HDDC2: variants seen among roughly 807,000 people sequenced by gnomAD.
HDDC2 encodes the protein 5'-deoxynucleotidase HDDC2.
HDDC2 carries 25 observed loss-of-function variants against 25.5 expected under a neutral mutation model. The observed-to-expected ratio is 0.98, with a 90% CI of 0.72 to 1.37. The LOEUF (loss-of-function observed/expected upper bound fraction) is 1.37, where lower values mean the gene tolerates loss of function less well. HDDC2 is among the 40% of genes most tolerant of loss of function. The pLI is 0.00. For missense variants in HDDC2, 264 were observed against 253.1 expected, an observed-to-expected ratio of 1.04 and a Z score of -0.29; for synonymous variants, 106 against 89.7, an observed-to-expected ratio of 1.18 and a Z score of -1.03.
chr6:125,284,844 G>C (rs913894023), intron 4 of HDDC2, among the ~76,000 whole-genome samples: 2 of 152,150 alleles, frequency 1.3e-5, no homozygotes, highest in Admixed American at 6.5e-5. Flanking sequence ...AAATCATTCT[G>C]CTATAAAGAC....
chr6:125,289,721 A>G (rs1387482327), intron 4 of HDDC2, among the ~76,000 whole-genome samples: 2 of 152,126 alleles, frequency 1.3e-5, no homozygotes, highest in African/African-American at 4.8e-5. Context: ...GACATTTTTA[A>G]AAGGGTACTT....
intron 4 of HDDC2, among the ~76,000 whole-genome samples, chr6:125,290,001 T>TA (rs1363687429): frequency 2.6e-5 from 4 of 152,240 alleles, no homozygotes; most frequent in African/African-American, 9.6e-5. Context: ...TGATAAAAGA[T>TA]AAATTATAAT....
intron 4 of HDDC2, among the ~76,000 whole-genome samples, chr6:125,284,488 CA>C (rs2115104947): frequency 6.6e-6 from 1 of 152,224 alleles, no homozygotes; most frequent in South Asian, 2.1e-4. Context: ...ATAACCCCAT[CA>C]AAAAGTGGGC....
At chr6:125,301,220 A>T (rs373774083) in intron 1 of HDDC2, among the ~76,000 whole-genome samples, 9 of 152,194 alleles carry the variant, frequency 5.9e-5, no homozygotes, top group Admixed American at 3.3e-4. Flanking sequence ...TAGTAGTCAG[A>T]GTGGCATGAA....
At chr6:125,291,521 T>C (rs1268239604) in intron 4 of HDDC2, among the ~76,000 whole-genome samples, 10 of 152,012 alleles carry the variant, frequency 6.6e-5, no homozygotes, top group Admixed American at 2.0e-4. Context: ...CCAAGAGAGA[T>C]GGATGAGGAC....
At chr6:125,294,050 CCTTT>C (rs751272192) in intron 3 of HDDC2, among the ~76,000 whole-genome samples, 7 of 152,214 alleles carry the variant, frequency 4.6e-5, no homozygotes, top group Non-Finnish European at 7.3e-5. Context: ...CAGTATCCTT[CCTTT>C]ATTTCTGAAT....
intron 1 of HDDC2, among the ~76,000 whole-genome samples, chr6:125,301,486 A>G (rs1233006798): frequency 2.0e-5 from 3 of 147,376 alleles, no homozygotes; most frequent in South Asian, 2.1e-4. Flanking sequence ...TCGTGAGCAC[A>G]CACACACACA....
At chr6:125,287,859 A>G (rs575934076) in intron 4 of HDDC2, among the ~76,000 whole-genome samples, 90 of 152,316 alleles carry the variant, frequency 5.9e-4, no homozygotes, top group African/African-American at 2.1e-3. Context: ...GAGAGTGGCA[A>G]CACCTCATGC....
rs184823523 is a variant in HDDC2, at chr6:125,289,671, A to T, written c.378+3170T>A. Among the ~76,000 whole-genome samples, 574 of 152,188 alleles carry T rather than the reference A, an allele frequency of 3.8e-3. 4 individuals carry two copies. The highest frequency in any genetic ancestry group is 6.6e-3 in the Non-Finnish European group (447 of 68,006). On this transcript the variant is annotated intron_variant, in intron 4 of 5. Coordinates refer to ENST00000398153, the MANE Select transcript of HDDC2 (RefSeq NM_016063.3). ...TTCTGGGGTCCTTATGCTGCTCTAC[A>T]TCAAGCCCCACCTGTACTTTGAAGA... is the stretch of plus-strand genomic sequence containing the variant.
chr6:125,300,727 G>T, intron 1 of HDDC2, 68 bp from the exon 2 acceptor site: 1 of 1,491,116 alleles, frequency 6.7e-7, no homozygotes, highest in Non-Finnish European at 9.1e-7. Context: ...TGCTCTTCAA[G>T]AGATGTCCAG....
intron 1 of HDDC2, among the ~76,000 whole-genome samples, chr6:125,300,899 A>AATT (rs1562452574): frequency 7.3e-6 from 1 of 136,222 alleles, no homozygotes; most frequent in Non-Finnish European, 1.5e-5. Flanking sequence ...CCATTCGTCA[A>AATT]ATTATTCTGT....
intron 4 of HDDC2, among the ~76,000 whole-genome samples, chr6:125,282,238 C>T (rs536832069): frequency 6.0e-5 from 9 of 151,208 alleles, no homozygotes; most frequent in East Asian, 2.0e-4. Context: ...CTCAGCTACT[C>T]GGGAGGTTGA....
In HDDC2 at chr6:125,275,845, A is replaced by G. The variant is rs1798358908; in HGVS notation, c.*301T>C. On this transcript the variant is annotated 3_prime_UTR_variant, in exon 6 of 6. Transcript: ENST00000398153. ...CGGGGATATCGGTAATTAAGTCAGA[A>G]TAAGATGATTTTAAATCTCCAATAA... The G allele has an allele frequency of 3.2e-6, 1 of 315,374 alleles. No homozygotes were observed. The highest frequency in any genetic ancestry group is 4.7e-5 in the Admixed American group (1 of 21,154). 19.5% of individuals were successfully genotyped at this position (315,374 alleles called of 1,614,324 possible).
At chr6:125,301,738 G>A in intron 1 of HDDC2, 111 bp downstream of exon 1, 1 of 729,100 alleles carries the variant, frequency 1.4e-6, no homozygotes, top group Non-Finnish European at 2.1e-6. Flanking sequence ...CGGCGTGGCG[G>A]ACGCGGCGCA....
At chr6:125,276,814 GTCCA>G (rs1798377059) in intron 5 of HDDC2, 1 of 408,628 alleles carries the variant, frequency 2.4e-6, no homozygotes, top group South Asian at 3.1e-5. Context: ...GCTATTGTAT[GTCCA>G]TGACGGCTAG....
chr6:125,300,357 T>A, intron 2 of HDDC2, 181 bp downstream of exon 2: 1 of 661,562 alleles, frequency 1.5e-6, no homozygotes, highest in Non-Finnish European at 2.4e-6. Context: ...AACCCCAGAT[T>A]GCAGTTTACA....
chr6:125,299,483 G>A (rs1411831758), intron 2 of HDDC2, among the ~76,000 whole-genome samples: 3 of 152,222 alleles, frequency 2.0e-5, no homozygotes, highest in Admixed American at 2.0e-4. Context: ...AATAGTGGTT[G>A]TGATAATTCA....
intron 4 of HDDC2, among the ~76,000 whole-genome samples, chr6:125,288,236 G>A (rs767499486): frequency 6.6e-5 from 10 of 152,168 alleles, no homozygotes; most frequent in Non-Finnish European, 1.2e-4. Context: ...ATAGATGCTT[G>A]AAGAGAGGGC....
chr6:125,282,585 C>T (rs1798474692), intron 4 of HDDC2, among the ~76,000 whole-genome samples: 1 of 152,132 alleles, frequency 6.6e-6, no homozygotes, highest in Non-Finnish European at 1.5e-5. Context: ...AGAACATCGA[C>T]ACTATAAAGA....
Sources: allele counts gnomAD v4.1 joint callset (sites outside exome capture counted in the v4.1 genomes callset), GRCh38; gene constraint gnomAD v4.1.1; transcripts MANE v1.5; gene names NCBI Gene and HGNC (gene_info 2026-07-23, HGNC 2026-07-21).